POLR1A: variants seen among roughly 807,000 people sequenced by gnomAD.
The protein encoded by POLR1A is RNA polymerase I subunit A.
In POLR1A, 84 loss-of-function variants were observed where a neutral mutation model predicts 205.3. The ratio of observed to expected loss-of-function variants is 0.41; its 90% CI spans 0.34 to 0.49. POLR1A has a LOEUF of 0.49. Among genes scored for constraint, POLR1A ranks in the 20% least tolerant of loss-of-function variants. The pLI, the probability that POLR1A is intolerant of heterozygous loss-of-function variation, is 0.22. For synonymous variants in POLR1A, 799 were observed against 863.7 expected, an observed-to-expected ratio of 0.93 and a Z score of 1.31; for missense variants, 1,645 against 2,204.5, an observed-to-expected ratio of 0.75 and a Z score of 5.08.
chr2:86,058,492 T>G (rs1263780170), intron 14 of POLR1A, among the ~76,000 whole-genome samples: 1 of 141,468 alleles, frequency 7.1e-6, no homozygotes, highest in African/African-American at 2.6e-5. Flanking sequence ...TCCTCCTACC[T>G]CATAAAATGG....
chr2:86,027,823 T>C (rs1051354399), intron 33 of POLR1A, 62 bp downstream of exon 33: 24 of 1,559,240 alleles, frequency 1.5e-5, no homozygotes, highest in Middle Eastern at 1.9e-4. Flanking sequence ...TGCCCATGGG[T>C]GAGCCCGTGT....
intron 23 of POLR1A, among the ~76,000 whole-genome samples, chr2:86,042,745 G>C (rs531650810): frequency 6.7e-6 from 1 of 150,128 alleles, no homozygotes; most frequent in South Asian, 2.1e-4. Context: ...CTGGGATCGC[G>C]GGGAACCCCG....
chr2:86,079,404 C>T lies in POLR1A; in HGVS notation c.1087-1120G>A, dbSNP rs116379772. ...TCCCCAATGCCTAGACGGTGACTGG[C>T]AAGGGCTGCCATGAGGATGGAACAC... is the stretch of plus-strand genomic sequence containing the variant. On this transcript the variant is annotated intron_variant, in intron 9 of 33. Coordinates refer to ENST00000263857, the MANE Select transcript of POLR1A (RefSeq NM_015425.6). 3.4e-3 allele frequency among the ~76,000 whole-genome samples: 517 copies of T among 152,158 alleles called. 4 individuals are homozygous for T. Among genetic ancestry groups the T allele is most frequent in the African/African-American group, 0.012 (493 of 41,520 alleles).
chr2:86,092,643 G>T (rs991007871), intron 3 of POLR1A, among the ~76,000 whole-genome samples: 1 of 152,170 alleles, frequency 6.6e-6, no homozygotes, highest in African/African-American at 2.4e-5. Context: ...TGGCCAACAT[G>T]GTGAAACCCT....
chr2:86,052,608 C>T (rs1251404021), intron 16 of POLR1A, among the ~76,000 whole-genome samples: 1 of 152,184 alleles, frequency 6.6e-6, no homozygotes, highest in African/African-American at 2.4e-5. Context: ...GGAAAAGAAA[C>T]CTGGCAGTTT....
At chr2:86,097,735 A>T (rs991816884) in intron 3 of POLR1A, among the ~76,000 whole-genome samples, 4 of 152,184 alleles carry the variant, frequency 2.6e-5, no homozygotes, top group Non-Finnish European at 5.9e-5. Context: ...CTAGAGGCTG[A>T]GTAGGGTAGG....
At chr2:86,065,762 A>T in intron 13 of POLR1A, 1 of 300,708 alleles carries the variant, frequency 3.3e-6, no homozygotes, top group Non-Finnish European at 6.1e-6. Context: ...GGTTCTAGTT[A>T]CTCCAGCATA....
intron 29 of POLR1A, 89 bp from the exon 30 acceptor site, chr2:86,031,724 T>A: frequency 6.5e-7 from 1 of 1,531,886 alleles, no homozygotes; most frequent in Non-Finnish European, 8.8e-7. Context: ...CTGCAAAGCC[T>A]TGGCTGGCCT....
chr2:86,092,535 T>C (rs1673625677), intron 3 of POLR1A, among the ~76,000 whole-genome samples: 2 of 152,150 alleles, frequency 1.3e-5, no homozygotes, highest in African/African-American at 2.4e-5. Flanking sequence ...GAGAGAATTA[T>C]CTAACTCGGC....
At chr2:86,084,128 T>C (rs1673453418) in intron 6 of POLR1A, among the ~76,000 whole-genome samples, 2 of 152,152 alleles carry the variant, frequency 1.3e-5, no homozygotes, top group Admixed American at 6.5e-5. Context: ...TAGCCGGGCA[T>C]GGTGGTGGAC....
intron 11 of POLR1A, among the ~76,000 whole-genome samples, chr2:86,077,552 C>T (rs112863192): frequency 1.3e-5 from 2 of 152,310 alleles, no homozygotes; most frequent in African/African-American, 4.8e-5. Flanking sequence ...CAGGAGGAAG[C>T]TATGCCGGCG....
At position 86,097,214 on chromosome 2, in the gene POLR1A, C is replaced by CAAAAAAAAAAAAAAAAAA. The variant is rs757210116; in HGVS notation, c.432+1379_432+1396dup. Among the ~76,000 whole-genome samples, 387 of 39,692 alleles carry CAAAAAAAAAAAAAAAAAA rather than the reference C, an allele frequency of 9.8e-3. 138 individuals are homozygous for CAAAAAAAAAAAAAAAAAA. Among genetic ancestry groups the CAAAAAAAAAAAAAAAAAA allele is most frequent in the East Asian group, 0.015 (15 of 976 alleles). The allele number at this position is 39,692 out of a possible 152,430, so 26.0% of individuals were successfully genotyped here. ...CATTAGGATGGCTATCCCCAAAAGA[C>CAAAAAAAAAAAAAAAAAA]AAAAAAAAAAAAAAAAAAAAAAAAA... is the stretch of plus-strand genomic sequence containing the variant. On this transcript the variant is annotated intron_variant, in intron 3 of 33. Coordinates refer to ENST00000263857, the MANE Select transcript of POLR1A (RefSeq NM_015425.6).
At position 86,100,000 on chromosome 2, in the gene POLR1A, G is replaced by A. The variant is rs755354144; in HGVS notation, c.250C>T (p.Pro84Ser). Reference sequence around the variant, plus strand: ...AGGAGAGGGTTATACACTGTGAGTGGGAGCTCAATGTGGCCCAGGTGCCCA... The same window carrying A: ...AGGAGAGGGTTATACACTGTGAGTGAGAGCTCAATGTGGCCCAGGTGCCCA... ...CSGHLGHIEL[P>S]LTVYNPLLFD... Residue 84 changes from proline (P) to serine (S), a missense_variant, in exon 2 of 34, where the codon CCA (proline) becomes TCA (serine). Transcript: ENST00000263857. The A allele has an allele frequency of 6.2e-7, 1 of 1,614,084 alleles. No homozygotes were observed. The highest frequency in any genetic ancestry group is 2.2e-5 in the East Asian group (1 of 44,874).
intron 19 of POLR1A, 96 bp downstream of exon 19, chr2:86,047,069 T>C (rs913826756): frequency 6.1e-5 from 46 of 759,662 alleles, no homozygotes; most frequent in Non-Finnish European, 9.4e-5. Flanking sequence ...TTTTTACTTG[T>C]CATGTTTTAT....
intron 6 of POLR1A, among the ~76,000 whole-genome samples, chr2:86,085,487 T>C (rs1258181978): frequency 6.6e-6 from 1 of 152,214 alleles, no homozygotes; most frequent in Non-Finnish European, 1.5e-5. Context: ...GCTACATATG[T>C]TCAGTGGGAG....
intron 3 of POLR1A, among the ~76,000 whole-genome samples, chr2:86,093,910 T>C (rs1221656137): frequency 3.3e-5 from 5 of 152,222 alleles, no homozygotes; most frequent in Non-Finnish European, 7.3e-5. Context: ...TTGTTTAGAA[T>C]AGTTCCTTAG....
At chr2:86,045,055 C>T (rs1294526408) in intron 21 of POLR1A, among the ~76,000 whole-genome samples, 1 of 152,208 alleles carries the variant, frequency 6.6e-6, no homozygotes, top group Non-Finnish European at 1.5e-5. Context: ...GAATGGCAGA[C>T]CCTCAGAACA....
intron 26 of POLR1A, 24 bp downstream of exon 26, chr2:86,039,303 C>T (rs767158508): frequency 6.8e-6 from 11 of 1,612,534 alleles, no homozygotes; most frequent in Non-Finnish European, 5.9e-6. Flanking sequence ...ACCCCGTCTG[C>T]AACCTGGGAA....
intron 18 of POLR1A, among the ~76,000 whole-genome samples, 169 bp downstream of exon 18, chr2:86,048,715 C>T (rs1240739828): frequency 6.6e-6 from 1 of 152,206 alleles, no homozygotes; most frequent in Admixed American, 6.5e-5. Context: ...GGAACAAAGC[C>T]CTGGGCCCTT....
Sources: gnomAD v4.1 joint callset for allele counts (sites outside exome capture counted in the v4.1 genomes callset) on GRCh38, gnomAD v4.1.1 for gene constraint, MANE v1.5 for transcripts, NCBI Gene and HGNC (gene_info 2026-07-23, HGNC 2026-07-21) for gene names.